SORBS2: variants seen among roughly 807,000 people sequenced by gnomAD.
SORBS2 encodes sorbin and SH3 domain containing 2, also known as sorbin and SH3 domain-containing protein 2.
Under a neutral mutation model 97.7 loss-of-function variants are expected in SORBS2, and 46 were observed. The ratio of observed to expected loss-of-function variants is 0.47; its 90% confidence interval spans 0.37 to 0.60. The LOEUF (loss-of-function observed/expected upper bound fraction) is 0.60. Among genes scored for constraint, SORBS2 ranks in the 20% least tolerant of loss-of-function variants. The probability of loss-of-function intolerance (pLI) is 0.00; values close to 1 mark genes in which losing one functional copy is unlikely to be tolerated. For synonymous variants in SORBS2, 476 were observed against 473.4 expected (o/e 1.01, Z -0.07); for missense variants, 1,316 against 1,282.3 (o/e 1.03, Z -0.40).
At chr4:185,596,975 A>C (rs1429888399) in intron 12 of SORBS2, among the ~76,000 whole-genome samples, 2 of 152,206 alleles carry the variant, frequency 1.3e-5, no homozygotes, top group African/African-American at 2.4e-5. Context: ...GACTTTTCGT[A>C]GCAGAGAAGT....
At chr4:185,912,108 A>G (rs2149882327) in intron 1 of SORBS2, among the ~76,000 whole-genome samples, 1 of 152,338 alleles carries the variant, frequency 6.6e-6, no homozygotes, top group East Asian at 1.9e-4. Flanking sequence ...ATGTATGCAC[A>G]AAATGCATGT....
At chr4:185,867,072 C>T (rs569047009) in intron 1 of SORBS2, among the ~76,000 whole-genome samples, 12 of 152,122 alleles carry the variant, frequency 7.9e-5, no homozygotes, top group East Asian at 7.7e-4. Flanking sequence ...AGTGTGGTGG[C>T]GCCAGCTTGG....
In SORBS2 at chr4:185,636,082, C is replaced by G. The variant is rs542269594; in HGVS notation, c.397-5484G>C. On this transcript the variant is annotated intron_variant, in intron 4 of 14. Transcript: ENST00000418609. The stretch of plus-strand genomic sequence containing the variant: ...CCATGTTGGCCAGGCTGGTCTCGAA[C>G]CCCTGACCTCAAGTGTTCCGTCTGC... 4.0e-4 allele frequency among the ~76,000 whole-genome samples: 61 copies of G among 152,256 alleles called. No individual in the cohort carries two copies. The East Asian group carries it at 7.3e-3, about 18-fold the overall frequency.
In SORBS2 at chr4:185,804,328, A is replaced by C. The variant is rs962529456; in HGVS notation, c.-337-28962T>G. The stretch of plus-strand genomic sequence containing the variant: ...CTAGTTACTCAGCCATCCTTCGTTC[A>C]CTCTTGGTAGTGGACATGGCAAGAT... On this transcript the variant is annotated intron_variant, in intron 1 of 20. Transcript: ENST00000284776. Among the ~76,000 whole-genome samples the C allele has an allele frequency of 4.6e-5, 7 of 152,096 alleles. No homozygotes were observed. In the East Asian group the frequency reaches 1.4e-3, roughly 29 times the overall value.
In SORBS2 at chr4:185,684,713, G is replaced by T. The variant is rs2153508818; in HGVS notation, c.-197-5891C>A. The T allele has an allele frequency of 7.5e-7, 1 of 1,339,294 alleles. No homozygotes were observed. 83.0% of individuals were successfully genotyped at this position (1,339,294 alleles called of 1,614,324 possible). ...ACAAAAACAGTCAGAAGAGCTAGAA[G>T]CCATTCAAGTGCGACATTGTGTGAG... On this transcript the variant is annotated intron_variant, in intron 2 of 20. Transcript: ENST00000284776. The surrounding 1 kb of genome is among the most constrained non-coding windows in gnomAD (Gnocchi z 4.2).
At chr4:185,928,538 A>G (rs1303502702) in intron 1 of SORBS2, among the ~76,000 whole-genome samples, 2 of 152,134 alleles carry the variant, frequency 1.3e-5, no homozygotes, top group East Asian at 1.9e-4. Flanking sequence ...GATTTCATGT[A>G]TAAGAAGCTT....
intron 1 of SORBS2, among the ~76,000 whole-genome samples, chr4:185,825,205 G>GT (rs1366124143): frequency 2.2e-4 from 18 of 81,816 alleles, no homozygotes; most frequent in African/African-American, 3.2e-4. Context: ...ATTTTGTTCT[G>GT]TTTTTTGTTT....
intron 1 of SORBS2, among the ~76,000 whole-genome samples, chr4:185,863,158 G>C (rs549811685): frequency 5.9e-5 from 9 of 152,236 alleles, no homozygotes; most frequent in African/African-American, 1.9e-4. Context: ...TTTTACATTA[G>C]GGGAAACACG....
At chr4:185,647,633 C>T (rs2097234511) in intron 3 of SORBS2, among the ~76,000 whole-genome samples, 1 of 152,026 alleles carries the variant, frequency 6.6e-6, no homozygotes, top group African/African-American at 2.4e-5. Flanking sequence ...TGCTCCATGG[C>T]CCGTTGGAAA....
intron 4 of SORBS2, chr4:185,645,903 G>A (rs974679973): frequency 1.5e-4 from 23 of 152,190 alleles, no homozygotes; most frequent in African/African-American, 5.3e-4. Flanking sequence ...AGAAGGCCAA[G>A]GGAAGACCTA....
intron 2 of SORBS2, among the ~76,000 whole-genome samples, chr4:185,724,095 G>A (rs1205712607): frequency 1.3e-5 from 2 of 152,260 alleles, no homozygotes; most frequent in South Asian, 2.1e-4. Flanking sequence ...TAATAAATTA[G>A]CCTTTCGTTG....
At position 185,670,144 on chromosome 4, in the gene SORBS2, G is replaced by C. The variant is rs1216336970; in HGVS notation, c.-45-7902C>G. Among the ~76,000 whole-genome samples the C allele has an allele frequency of 2.0e-5, 3 of 150,926 alleles. No homozygotes were observed. The East Asian group carries it at 5.9e-4, about 30-fold the overall frequency. On this transcript the variant is annotated intron_variant, in intron 4 of 20. Transcript: ENST00000284776. ...TGAGGCAGGAGAATTGCTTGAACCTGGGAGGTGGAGGTTGCAGTGGGCCGA... is the reference window on the plus strand; with the variant it reads ...TGAGGCAGGAGAATTGCTTGAACCTCGGAGGTGGAGGTTGCAGTGGGCCGA...
At chr4:185,609,256 T>C (rs1254342463) in intron 12 of SORBS2, among the ~76,000 whole-genome samples, 1 of 152,226 alleles carries the variant, frequency 6.6e-6, no homozygotes, top group Admixed American at 6.5e-5. Flanking sequence ...TTTATACCCC[T>C]TGTTACATAA....
intron 1 of SORBS2, among the ~76,000 whole-genome samples, chr4:185,819,687 G>T (rs1462559539): frequency 6.6e-6 from 1 of 152,078 alleles, no homozygotes; most frequent in African/African-American, 2.4e-5. Flanking sequence ...GTCAGTGCAG[G>T]GATCACCCAG....
chr4:185,630,552 A>C, exon 5 of SORBS2: 2 of 1,581,442 alleles, frequency 1.3e-6, no homozygotes, highest in Non-Finnish European at 1.7e-6. Context: ...TTCTTACCTC[A>C]TGGGTCTTTC....
intron 1 of SORBS2, among the ~76,000 whole-genome samples, chr4:185,893,946 C>T (rs369964843): frequency 5.3e-5 from 8 of 152,106 alleles, no homozygotes; most frequent in African/African-American, 1.4e-4. Context: ...TTCCTAGATC[C>T]GGATGAGGAA....
chr4:185,646,361 GT>G (rs1270993870), intron 4 of SORBS2: 9 of 200,824 alleles, frequency 4.5e-5, no homozygotes, highest in Non-Finnish European at 9.0e-5. Context: ...ATATATATAT[GT>G]GTGTGCATAC....
rs1265026065 is a variant in SORBS2 at position 185,618,643 on chromosome 4, G to A, written c.2305-12C>T. The A allele has an allele frequency of 5.2e-5, 79 of 1,524,718 alleles. No individual in the cohort carries two copies. The highest frequency in any genetic ancestry group is 6.6e-5 in the Non-Finnish European group (74 of 1,119,562). The allele number at this position is 1,524,718 out of a possible 1,614,324, so 94.4% of individuals were successfully genotyped here. ...TTTGCAGGCAATTTCTGAAAAGGAA[G>A]ATAAACAATTAGCACTAATTTAAAA... is the stretch of plus-strand genomic sequence containing the variant. On this transcript the variant is annotated splice_polypyrimidine_tract_variant and intron_variant, in intron 8 of 14. Transcript: ENST00000418609.
chr4:185,652,267 C>T (rs1216888332), intron 2 of SORBS2, among the ~76,000 whole-genome samples: 1 of 152,214 alleles, frequency 6.6e-6, no homozygotes, highest in African/African-American at 2.4e-5. Flanking sequence ...TTACTAAGTG[C>T]TTTAGTGGTC....
Sources: allele counts gnomAD v4.1 joint callset (sites outside exome capture counted in the v4.1 genomes callset), GRCh38; gene constraint gnomAD v4.1.1; non-coding constraint Gnocchi (gnomAD v3.1); transcripts MANE v1.5; gene names NCBI Gene and HGNC (gene_info 2026-07-23, HGNC 2026-07-21).